The following WDPCP variants were observed in gnomAD, a reference collection of about 807,000 sequenced individuals.
WDPCP encodes the protein WD repeat-containing and planar cell polarity effector protein fritz homolog.
A neutral mutation model predicts 93.1 loss-of-function variants in WDPCP; 71 were observed. The ratio of observed to expected loss-of-function variants is 0.76; its 90% CI spans 0.63 to 0.93. WDPCP has a LOEUF of 0.93. WDPCP is among the 40% of genes least tolerant of loss of function. The pLI is 0.00. For synonymous variants in WDPCP, 315 were observed against 315.0 expected (o/e 1.00, Z 0.00); for missense variants, 844 against 887.4 (o/e 0.95, Z 0.62).
intron 2 of WDPCP, among the ~76,000 whole-genome samples, chr2:63,737,470 T>A (rs1257808799): frequency 6.6e-6 from 1 of 152,204 alleles, no homozygotes; most frequent in Non-Finnish European, 1.5e-5. Flanking sequence ...GTTGAAAGAA[T>A]GAATTAGTCC....
chr2:63,228,284 A>C (rs1217132763), intron 14 of WDPCP: 1 of 152,004 alleles, frequency 6.6e-6, no homozygotes, highest in East Asian at 1.9e-4. Flanking sequence ...ACATGAAAAA[A>C]AATCCTTACA....
intron 14 of WDPCP, among the ~76,000 whole-genome samples, chr2:63,231,717 G>C (rs1379806538): frequency 2.0e-5 from 3 of 152,266 alleles, no homozygotes; most frequent in East Asian, 1.9e-4. Flanking sequence ...CATGCTCATG[G>C]ATAGGAAGAA....
chr2:63,540,295 AAC>A (rs1704610727), intron 1 of WDPCP, among the ~76,000 whole-genome samples: 1 of 152,236 alleles, frequency 6.6e-6, no homozygotes, highest in Admixed American at 6.5e-5. Context: ...AATTAGTGCA[AAC>A]ACAATTATTC....
chr2:63,235,039 T>G (rs761611888), intron 14 of WDPCP, among the ~76,000 whole-genome samples: 4 of 151,890 alleles, frequency 2.6e-5, no homozygotes, highest in Non-Finnish European at 4.4e-5. Context: ...AAAAATAATA[T>G]AAAGGATAAA....
chr2:63,455,224 C>A (rs563815105), intron 6 of WDPCP, among the ~76,000 whole-genome samples: 1 of 151,840 alleles, frequency 6.6e-6, no homozygotes, highest in East Asian at 1.9e-4. Flanking sequence ...AACAAAGGAA[C>A]AAAGACTATA....
At chr2:63,482,957 A>T (rs1700356642) in intron 6 of WDPCP, among the ~76,000 whole-genome samples, 12 of 152,016 alleles carry the variant, frequency 7.9e-5, no homozygotes, top group Admixed American at 7.9e-4. Flanking sequence ...TATATATTTT[A>T]TCATGAAAAT....
intron 6 of WDPCP, among the ~76,000 whole-genome samples, chr2:63,462,963 T>C (rs1699117442): frequency 6.6e-6 from 1 of 152,086 alleles, no homozygotes; most frequent in Non-Finnish European, 1.5e-5. Context: ...TTTATAACCT[T>C]GGAGCACAGG....
chr2:63,532,865 A>T (rs1461759764), intron 1 of WDPCP, among the ~76,000 whole-genome samples: 1 of 152,218 alleles, frequency 6.6e-6, no homozygotes, highest in African/African-American at 2.4e-5. Flanking sequence ...AACAATATTA[A>T]CCTTAAATAT....
rs1234580147 is a variant in WDPCP at position 63,378,477 on chromosome 2, C to A, written c.1657G>T (p.Ala553Ser). ...GAATCCAGAAGTGGTCTTGTTGGAG[C>A]ATAGAAGGTTCCAAGGCTTGTCTCA... ...QLETSLGTFY[A>S]PTRPLLDSTI... The change falls in exon 12 of 18, where the codon GCT (alanine) becomes TCT (serine). Residue 553 changes from alanine (A) to serine (S), a missense_variant. By Grantham distance (99) the Ala-to-Ser change is moderately conservative. Coordinates refer to ENST00000272321, the MANE Select transcript of WDPCP (RefSeq NM_015910.7). 1.9e-6 allele frequency: 3 copies of A among 1,613,056 alleles called. No individual in the cohort carries two copies. The highest frequency in any genetic ancestry group is 1.7e-6 in the Non-Finnish European group (2 of 1,179,400).
intron 2 of WDPCP, among the ~76,000 whole-genome samples, chr2:63,488,509 CTG>C (rs1700697625): frequency 6.6e-6 from 1 of 152,018 alleles, no homozygotes; most frequent in East Asian, 1.9e-4. Flanking sequence ...ACTGGTTAGA[CTG>C]AATATATCTA....
chr2:63,718,333 A>G (rs1468599609), intron 2 of WDPCP, among the ~76,000 whole-genome samples: 1 of 152,144 alleles, frequency 6.6e-6, no homozygotes, highest in Non-Finnish European at 1.5e-5. Flanking sequence ...AAATCTCCAT[A>G]CTATTTTCCA....
chr2:63,431,651 T>G (rs1307947980), intron 9 of WDPCP, among the ~76,000 whole-genome samples: 1 of 151,870 alleles, frequency 6.6e-6, no homozygotes, highest in Non-Finnish European at 1.5e-5. Context: ...ATACTTCGTA[T>G]TTAAAGATTA....
chr2:63,726,300 A>G (rs1669496203), intron 2 of WDPCP, among the ~76,000 whole-genome samples: 1 of 152,222 alleles, frequency 6.6e-6, no homozygotes, highest in Admixed American at 6.5e-5. Context: ...TTTATTGAAT[A>G]GGGAGTCCTT....
Position 63,121,699 on chromosome 2 carries a change from G to T in WDPCP, c.*307C>A, listed in dbSNP as rs1364576585. 1.9e-5 allele frequency: 9 copies of T among 483,530 alleles called. No homozygotes were observed. The highest frequency in any genetic ancestry group is 2.5e-5 in the Non-Finnish European group (8 of 318,822). 30.0% of individuals were successfully genotyped at this position (483,530 alleles called of 1,614,324 possible). ...TGCCCCTTTTTTAAAGTACCTGGGA[G>T]AACAAAGTTTAAATATTCTATTTTT... On this transcript the variant is annotated 3_prime_UTR_variant, in exon 18 of 18. Coordinates refer to ENST00000272321, the MANE Select transcript of WDPCP (RefSeq NM_015910.7).
intron 17 of WDPCP, among the ~76,000 whole-genome samples, chr2:63,137,137 C>G (rs575778076): frequency 4.5e-4 from 69 of 152,298 alleles, no homozygotes; most frequent in Non-Finnish European, 8.2e-4. Flanking sequence ...TCACTGCACT[C>G]TCTTCCACAG....
At position 63,404,568 on chromosome 2, in the gene WDPCP, G is replaced by A. The variant is rs370372057; in HGVS notation, c.915C>T (p.Ser305=). The A allele has an allele frequency of 1.5e-5, 24 of 1,613,738 alleles. No homozygotes were observed. Among genetic ancestry groups the A allele is most frequent in the East Asian group, 1.1e-4 (5 of 44,876 alleles). The part of the protein sequence containing the change: ...QPYQVFTVEH[S]VSVDKEPMAD... ...CCATGGGCTCTTTGTCTACACTTAC[G>A]GAGTGCTCCACTGTGAACACCTGAT... Residue 305 remains serine (S), a synonymous_variant, in exon 10 of 18, where the codon TCC becomes TCT. Transcript: ENST00000272321.
intron 1 of WDPCP, among the ~76,000 whole-genome samples, chr2:63,527,460 A>G (rs953402831): frequency 2.7e-5 from 4 of 148,482 alleles, no homozygotes; most frequent in Admixed American, 2.1e-4. Context: ...ATGAGTGAGA[A>G]CATGCAGTGT....
upstream of WDPCP, chr2:63,588,756 G>A (rs981418864): frequency 1.5e-5 from 8 of 522,130 alleles, no homozygotes; most frequent in Admixed American, 3.2e-5. Flanking sequence ...CAATCACAGG[G>A]GCTCATCCTC....
At chr2:63,575,663 A>G (rs1051072159) in intron 1 of WDPCP, among the ~76,000 whole-genome samples, 7 of 149,744 alleles carry the variant, frequency 4.7e-5, no homozygotes, top group African/African-American at 9.7e-5. Context: ...TACTAAATAT[A>G]TCTTATTTAC....
Sources: gnomAD v4.1 joint callset for allele counts (sites outside exome capture counted in the v4.1 genomes callset) on GRCh38, gnomAD v4.1.1 for gene constraint, MANE v1.5 for transcripts, NCBI Gene and HGNC (gene_info 2026-07-23, HGNC 2026-07-21) for gene names.